SNRPN: variants seen among roughly 807,000 people sequenced by gnomAD.
The protein encoded by SNRPN is small nuclear ribonucleoprotein polypeptide N.
A neutral mutation model predicts 25.2 loss-of-function variants in SNRPN; 7 were observed. The ratio of observed to expected loss-of-function variants is 0.28; its 90% CI spans 0.16 to 0.52. SNRPN has a LOEUF of 0.52. Ranked by LOEUF, SNRPN falls within the 20% of genes least tolerant of loss-of-function variation. The pLI, the probability that SNRPN is intolerant of heterozygous loss-of-function variation, is 0.96. For missense variants in SNRPN, 196 were observed against 322.5 expected (o/e 0.61, Z 3.00); for synonymous variants, 124 against 110.6 (o/e 1.12, Z -0.76).
rs1055571549 is a variant in SNRPN, at chr15:24,968,092, A to G, written c.-144+10A>G. On this transcript the variant is annotated intron_variant, in intron 3 of 9. Coordinates refer to ENST00000390687, the MANE Select transcript of SNRPN (RefSeq NM_003097.6). Reference sequence around the variant, plus strand: ...TCCAAGCAAAAACCAGGTTAGAGCTAATGCAGCAATGATCAAGAATAAAGA... The same window carrying G: ...TCCAAGCAAAAACCAGGTTAGAGCTGATGCAGCAATGATCAAGAATAAAGA... 2 of 1,395,420 alleles carry G rather than the reference A, an allele frequency of 1.4e-6. No homozygotes were observed. The highest frequency in any genetic ancestry group is 1.7e-5 in the Admixed American group (1 of 59,506). The allele number at this position is 1,395,420 out of a possible 1,614,324, so 86.4% of individuals were successfully genotyped here. A position where few individuals can be genotyped will look rare whatever the true frequency, so the allele number is the denominator to read the frequency against.
chr15:24,943,989 T>C (rs1038736010), intron 3 of SNRPN, among the ~76,000 whole-genome samples: 4 of 151,988 alleles, frequency 2.6e-5, no homozygotes, highest in African/African-American at 9.7e-5. Flanking sequence ...ACTCAGCTAA[T>C]TTTTGTATTT....
At chr15:24,834,715 G>A (rs1177274574) in intron 2 of SNRPN, among the ~76,000 whole-genome samples, 1 of 36,948 alleles carries the variant, frequency 2.7e-5, no homozygotes, top group Non-Finnish European at 6.9e-5. Flanking sequence ...GTGAGACCTT[G>A]TCTCTCTCTC....
At chr15:24,866,723 C>G (rs895980954) in intron 1 of SNRPN, among the ~76,000 whole-genome samples, 3 of 152,122 alleles carry the variant, frequency 2.0e-5, no homozygotes, top group African/African-American at 7.2e-5. Flanking sequence ...TGGTAACTAC[C>G]GTTCTACATC....
At chr15:24,898,021 T>C (rs1324513129) in intron 2 of SNRPN, among the ~76,000 whole-genome samples, 1 of 152,146 alleles carries the variant, frequency 6.6e-6, no homozygotes, top group Admixed American at 6.5e-5. Context: ...GTTAGGAAGA[T>C]CAAATAGGCA....
chr15:24,904,061 C>G (rs2058639868), intron 2 of SNRPN, among the ~76,000 whole-genome samples: 1 of 149,854 alleles, frequency 6.7e-6, no homozygotes, highest in African/African-American at 2.5e-5. Context: ...AAGATCGGAG[C>G]AAGAAAAAGG....
upstream of SNRPN, among the ~76,000 whole-genome samples, chr15:24,952,293 T>C (rs542312945): frequency 1.3e-5 from 2 of 152,340 alleles, no homozygotes; most frequent in East Asian, 3.9e-4. Flanking sequence ...GTCTATTCTG[T>C]ACAGAATAGT....
chr15:24,837,605 G>A (rs1033922814), intron 2 of SNRPN, among the ~76,000 whole-genome samples: 19 of 151,872 alleles, frequency 1.3e-4, no homozygotes, highest in African/African-American at 3.4e-4. Context: ...TCCTGACTTC[G>A]TGATCCACCC....
intron 1 of SNRPN, among the ~76,000 whole-genome samples, chr15:24,824,438 C>T (rs893401686): frequency 1.3e-5 from 2 of 152,036 alleles, no homozygotes; most frequent in Admixed American, 1.3e-4. Flanking sequence ...TAAATGGCTG[C>T]TTGACTTGCC....
intron 2 of SNRPN, 91 bp downstream of exon 2, chr15:24,962,300 C>G (rs2074960423): frequency 1.9e-6 from 2 of 1,032,660 alleles, no homozygotes; most frequent in Non-Finnish European, 3.0e-6. Flanking sequence ...TTAAAATGAA[C>G]ATAATTGAAG....
chr15:24,874,258 C>T (rs2055595208), intron 1 of SNRPN, among the ~76,000 whole-genome samples: 2 of 126,694 alleles, frequency 1.6e-5, no homozygotes, highest in African/African-American at 6.3e-5. Flanking sequence ...TGCAGTGAGC[C>T]AAGATCGCAC....
chr15:24,874,952 T>C (rs1334854992), intron 1 of SNRPN, among the ~76,000 whole-genome samples: 1 of 152,142 alleles, frequency 6.6e-6, no homozygotes, highest in Non-Finnish European at 1.5e-5. Flanking sequence ...ATAAGACTAA[T>C]ACCTGCATTT....
At chr15:24,930,590 CAAAAAA>C (rs67708507) in intron 3 of SNRPN, among the ~76,000 whole-genome samples, 79 of 98,366 alleles carry the variant, frequency 8.0e-4, no homozygotes, top group African/African-American at 2.1e-3. Flanking sequence ...TACAAAAATA[CAAAAAA>C]AAAAAAAAAA....
At chr15:24,898,462 C>T (rs916107562) in intron 2 of SNRPN, among the ~76,000 whole-genome samples, 3 of 152,046 alleles carry the variant, frequency 2.0e-5, no homozygotes, top group Non-Finnish European at 4.4e-5. Flanking sequence ...GTGGCGGGCT[C>T]CTGTAGTCCC....
intron 1 of SNRPN, among the ~76,000 whole-genome samples, chr15:24,864,990 C>T (rs1474407362): frequency 1.3e-5 from 2 of 150,920 alleles, no homozygotes; most frequent in Non-Finnish European, 2.9e-5. Flanking sequence ...AGCATGTATA[C>T]TGAACAAACA....
chr15:24,917,315 G>T (rs1270179277), intron 2 of SNRPN, among the ~76,000 whole-genome samples: 1 of 152,116 alleles, frequency 6.6e-6, no homozygotes, highest in African/African-American at 2.4e-5. Context: ...CAACGATTTA[G>T]TTCCTTCTGG....
chr15:24,902,562 G>C (rs537922682), intron 2 of SNRPN, among the ~76,000 whole-genome samples: 2 of 152,164 alleles, frequency 1.3e-5, no homozygotes, highest in African/African-American at 4.8e-5. Flanking sequence ...CTGGCAGTGA[G>C]TGTTACAGTT....
chr15:24,958,101 T>C (rs1355433655), intron 1 of SNRPN, among the ~76,000 whole-genome samples: 2 of 152,226 alleles, frequency 1.3e-5, no homozygotes, highest in East Asian at 3.9e-4. Context: ...TTCACTATTC[T>C]ATCTGACCAG....
At chr15:24,838,810 G>A (rs1274443210) in intron 2 of SNRPN, among the ~76,000 whole-genome samples, 1 of 152,012 alleles carries the variant, frequency 6.6e-6, no homozygotes, top group Non-Finnish European at 1.5e-5. Flanking sequence ...CACTACTAGA[G>A]GGTTCCTAGC....
intron 1 of SNRPN, among the ~76,000 whole-genome samples, chr15:24,885,625 T>C (rs2057119329): frequency 6.6e-6 from 1 of 152,072 alleles, no homozygotes; most frequent in South Asian, 2.1e-4. Context: ...TTGTATCATT[T>C]CCCACACCTA....
Sources: allele counts gnomAD v4.1 joint callset (sites outside exome capture counted in the v4.1 genomes callset), GRCh38; gene constraint gnomAD v4.1.1; transcripts MANE v1.5; gene names NCBI Gene and HGNC (gene_info 2026-07-23, HGNC 2026-07-21).